PTK2: variants seen among roughly 807,000 people sequenced by gnomAD.
PTK2 encodes the protein focal adhesion kinase 1.
Under a neutral mutation model 150.1 loss-of-function variants are expected in PTK2, and 45 were observed. That is an observed-to-expected ratio of 0.30 (90% CI 0.24 to 0.38). The LOEUF is 0.38. Ranked by LOEUF, PTK2 falls within the 10% of genes least tolerant of loss-of-function variation. The probability of loss-of-function intolerance (pLI) is 1.00; values close to 1 mark genes in which losing one functional copy is unlikely to be tolerated. For missense variants in PTK2, 919 were observed against 1,307.3 expected (o/e 0.70, Z 4.58); for synonymous variants, 432 against 449.2 (o/e 0.96, Z 0.48).
rs774200702 is a variant in PTK2 at position 140,674,211 on chromosome 8, ACT to A, written c.2709+85_2709+86del. 2.3e-6 allele frequency: 3 copies of A among 1,306,424 alleles called. No homozygotes were observed. In the African/African-American group the frequency reaches 4.4e-5, roughly 19 times the overall value. 80.9% of individuals were successfully genotyped at this position (1,306,424 alleles called of 1,614,324 possible). The stretch of plus-strand genomic sequence containing the variant: ...CTGTTCTATTTTCAGCACCAACTCC[ACT>A]CTATGACATGAACACATCAACTGAG... On this transcript the variant is annotated intron_variant, in intron 29 of 31. Transcript: ENST00000522684.
At chr8:140,758,000 C>T (rs888701840) in intron 16 of PTK2, among the ~76,000 whole-genome samples, 1 of 151,974 alleles carries the variant, frequency 6.6e-6, no homozygotes, top group Non-Finnish European at 1.5e-5. Flanking sequence ...TGATAATAAA[C>T]GACTATGTTA....
intron 1 of PTK2, among the ~76,000 whole-genome samples, chr8:140,987,470 G>A (rs1363442172): frequency 1.3e-5 from 2 of 152,104 alleles, no homozygotes; most frequent in Non-Finnish European, 2.9e-5. Context: ...CATCAGCCAC[G>A]GTGCCCAGCT....
chr8:140,681,844 C>A (rs1355309214), intron 27 of PTK2, among the ~76,000 whole-genome samples: 1 of 152,204 alleles, frequency 6.6e-6, no homozygotes, highest in African/African-American at 2.4e-5. Flanking sequence ...AGTCCTATTT[C>A]TAGCAGGCTT....
chr8:140,897,790 G>C (rs1167223963), intron 2 of PTK2, among the ~76,000 whole-genome samples: 5 of 152,112 alleles, frequency 3.3e-5, no homozygotes, highest in Non-Finnish European at 5.9e-5. Flanking sequence ...TGAACAGCTG[G>C]GGCTGCCAAT....
At chr8:140,961,453 A>G (rs929480247) in intron 1 of PTK2, among the ~76,000 whole-genome samples, 2 of 152,088 alleles carry the variant, frequency 1.3e-5, no homozygotes. Flanking sequence ...CAAGGTCAGG[A>G]GATCGAGACC....
chr8:140,700,726 T>G (rs1169526042), intron 26 of PTK2, 165 bp downstream of exon 29: 1 of 785,612 alleles, frequency 1.3e-6, no homozygotes, highest in East Asian at 3.6e-5. Flanking sequence ...TCTGCTTGCC[T>G]CAGCCTCCCA....
chr8:140,911,960 C>T (rs374633175), intron 2 of PTK2, among the ~76,000 whole-genome samples: 5 of 152,102 alleles, frequency 3.3e-5, no homozygotes, highest in East Asian at 1.9e-4. Flanking sequence ...AGGCCAGGCG[C>T]GGTGACTCAT....
intron 23 of PTK2, among the ~76,000 whole-genome samples, chr8:140,710,088 C>G (rs2100035940): frequency 2.0e-5 from 3 of 152,054 alleles, no homozygotes; most frequent in Admixed American, 6.6e-5. Context: ...CTGAGGCAGG[C>G]AGATTGCTTT....
At chr8:140,736,256 T>G (rs564184225) in intron 21 of PTK2, among the ~76,000 whole-genome samples, 76 of 152,230 alleles carry the variant, frequency 5.0e-4, no homozygotes, top group Non-Finnish European at 9.7e-4. Flanking sequence ...TTATCCAAAG[T>G]GCATTAATGC....
intron 10 of PTK2, among the ~76,000 whole-genome samples, chr8:140,813,740 CAA>C (rs2100102964): frequency 6.6e-6 from 1 of 151,428 alleles, no homozygotes; most frequent in Non-Finnish European, 1.5e-5. Context: ...ACTAGAGAAC[CAA>C]CCCCAAACTA....
chr8:140,687,299 C>A (rs1330544434), intron 26 of PTK2, among the ~76,000 whole-genome samples: 1 of 152,184 alleles, frequency 6.6e-6, no homozygotes, highest in Non-Finnish European at 1.5e-5. Flanking sequence ...GTATGGGTTA[C>A]GGGCCTTCTA....
At chr8:140,929,456 A>G (rs531416477) in intron 1 of PTK2, among the ~76,000 whole-genome samples, 2 of 152,304 alleles carry the variant, frequency 1.3e-5, no homozygotes, top group Non-Finnish European at 2.9e-5. Flanking sequence ...CTAAGGGCTT[A>G]TATTGTTCCA....
At chr8:140,674,570 T>C in intron 28 of PTK2, among the ~76,000 whole-genome samples, 166 bp from the exon 32 acceptor site, 1 of 151,968 alleles carries the variant, frequency 6.6e-6, no homozygotes, top group South Asian at 2.1e-4. Context: ...AGAAACCCCA[T>C]CTCTACTAAA....
intron 23 of PTK2, among the ~76,000 whole-genome samples, chr8:140,712,014 G>C (rs1346213959): frequency 6.6e-6 from 1 of 152,080 alleles, no homozygotes; most frequent in South Asian, 2.1e-4. Context: ...ACAATGTTCT[G>C]AGGCAGTTAT....
chr8:140,875,497 G>A (rs1242630886), intron 4 of PTK2, among the ~76,000 whole-genome samples: 1 of 152,160 alleles, frequency 6.6e-6, no homozygotes, highest in Non-Finnish European at 1.5e-5. Flanking sequence ...AGAGCAGAAG[G>A]AGATAAGGAC....
intron 17 of PTK2, chr8:140,750,174 CTTAA>C (rs1417753098): frequency 3.9e-5 from 6 of 152,134 alleles, no homozygotes; most frequent in East Asian, 1.9e-4. Context: ...TGTACTAAGA[CTTAA>C]TTAATGTAGT....
At chr8:140,818,719 TTTTC>T (rs1472883430) in intron 9 of PTK2, among the ~76,000 whole-genome samples, 157 bp downstream of exon 9, 3 of 152,228 alleles carry the variant, frequency 2.0e-5, no homozygotes, top group South Asian at 2.1e-4. Flanking sequence ...ACATTAATTA[TTTTC>T]TTTTTCTATT....
chr8:140,731,946 G>A (rs1195694519), intron 22 of PTK2, among the ~76,000 whole-genome samples: 3 of 152,002 alleles, frequency 2.0e-5, no homozygotes, highest in Non-Finnish European at 4.4e-5. Flanking sequence ...AAAGATGAGG[G>A]GAATCCCACA....
chr8:140,907,249 G>A (rs1178724455), intron 2 of PTK2, among the ~76,000 whole-genome samples: 1 of 152,148 alleles, frequency 6.6e-6, no homozygotes, highest in East Asian at 1.9e-4. Flanking sequence ...TACTATGAGT[G>A]AGTATCCCTA....
Sources: gnomAD v4.1 joint callset for allele counts (sites outside exome capture counted in the v4.1 genomes callset) on GRCh38, gnomAD v4.1.1 for gene constraint, MANE v1.5 for transcripts, NCBI Gene and HGNC (gene_info 2026-07-23, HGNC 2026-07-21) for gene names.